The following FRMD5 variants were observed in gnomAD, a reference collection of about 807,000 sequenced individuals.
FRMD5 encodes FERM domain-containing protein 5.
FRMD5 carries 20 observed loss-of-function variants against 69.0 expected under a neutral mutation model. The ratio of observed to expected loss-of-function variants is 0.29; its 90% confidence interval spans 0.20 to 0.42. The LOEUF is 0.42. Among genes scored for constraint, FRMD5 ranks in the 10% least tolerant of loss-of-function variants. The pLI is 1.00. For missense variants in FRMD5, 595 were observed against 708.6 expected (o/e 0.84, Z 1.82); for synonymous variants, 271 against 260.1 (o/e 1.04, Z -0.40).
intron 1 of FRMD5, among the ~76,000 whole-genome samples, chr15:44,115,979 A>C (rs1471484574): frequency 6.6e-6 from 1 of 152,140 alleles, no homozygotes; most frequent in Non-Finnish European, 1.5e-5. Context: ...CAAAGCAACT[A>C]ATGTGAGCAC....
intron 1 of FRMD5, among the ~76,000 whole-genome samples, chr15:43,995,624 C>A (rs549230536): frequency 5.3e-5 from 8 of 152,220 alleles, no homozygotes; most frequent in African/African-American, 1.9e-4. Flanking sequence ...TGGGGACTGG[C>A]CTGGAGCCTG....
At position 43,957,335 on chromosome 15, in the gene FRMD5, A is replaced by C. The variant is rs2090130611; in HGVS notation, c.103-33026T>G. On this transcript the variant is annotated intron_variant, in intron 1 of 13. Coordinates refer to ENST00000417257, the MANE Select transcript of FRMD5 (RefSeq NM_032892.5). ...CTTAGCCTCCCAAGTAACTGGGATT[A>C]CAGGTGCCCACCACCATGCCTGACT... 3.3e-5 allele frequency among the ~76,000 whole-genome samples: 5 copies of C among 152,166 alleles called. No individual in the cohort carries two copies. In the South Asian group the frequency reaches 1.0e-3, roughly 31 times the overall value.
At chr15:44,084,969 C>T (rs980680217) in intron 1 of FRMD5, among the ~76,000 whole-genome samples, 2 of 152,000 alleles carry the variant, frequency 1.3e-5, no homozygotes, top group Non-Finnish European at 2.9e-5. Context: ...AAACCACATC[C>T]AGATATCATT....
intron 1 of FRMD5, among the ~76,000 whole-genome samples, chr15:44,038,540 T>A (rs1271917166): frequency 8.2e-5 from 12 of 146,514 alleles, no homozygotes; most frequent in African/African-American, 3.0e-4. Context: ...TTTTTTTTTT[T>A]ATAACAATTC....
At chr15:43,894,819 C>T (rs2088876930) in intron 7 of FRMD5, among the ~76,000 whole-genome samples, 1 of 152,178 alleles carries the variant, frequency 6.6e-6, no homozygotes, top group Admixed American at 6.5e-5. Flanking sequence ...CCAGCTCTGC[C>T]ACTCATTGTG....
intron 1 of FRMD5, among the ~76,000 whole-genome samples, chr15:44,051,473 C>T (rs971125674): frequency 6.6e-6 from 1 of 151,780 alleles, no homozygotes; most frequent in African/African-American, 2.4e-5. Flanking sequence ...ATAGTACAGA[C>T]TTCCAATATA....
At chr15:44,076,902 T>C (rs1361387363) in intron 1 of FRMD5, among the ~76,000 whole-genome samples, 1 of 152,002 alleles carries the variant, frequency 6.6e-6, no homozygotes, top group Non-Finnish European at 1.5e-5. Flanking sequence ...TATCTTAGAG[T>C]GACCCACAGT....
intron 1 of FRMD5, among the ~76,000 whole-genome samples, chr15:44,112,927 T>C (rs1342125692): frequency 6.6e-6 from 1 of 152,224 alleles, no homozygotes; most frequent in Non-Finnish European, 1.5e-5. Flanking sequence ...CATATTTCTC[T>C]TTATAAGTCT....
intron 1 of FRMD5, among the ~76,000 whole-genome samples, chr15:44,168,692 T>A (rs1019533942): frequency 6.6e-6 from 1 of 152,222 alleles, no homozygotes; most frequent in Non-Finnish European, 1.5e-5. Flanking sequence ...TGTAGGTACA[T>A]CTATATTTAG....
upstream of FRMD5, among the ~76,000 whole-genome samples, chr15:44,199,352 G>A (rs546128031): frequency 1.3e-5 from 2 of 152,318 alleles, no homozygotes; most frequent in African/African-American, 4.8e-5. Context: ...CTTCCATTCT[G>A]GTTCATGTGG....
intron 1 of FRMD5, among the ~76,000 whole-genome samples, chr15:44,017,796 A>C (rs1259234153): frequency 6.6e-6 from 1 of 151,734 alleles, no homozygotes; most frequent in Non-Finnish European, 1.5e-5. Flanking sequence ...TTTTTAGTAG[A>C]AACAGGGTTT....
At chr15:44,077,584 C>A (rs532888005) in intron 1 of FRMD5, among the ~76,000 whole-genome samples, 62 of 152,096 alleles carry the variant, frequency 4.1e-4, no homozygotes, top group African/African-American at 1.5e-3. Flanking sequence ...AAAATACTAA[C>A]TTTTTACCTT....
intron 1 of FRMD5, among the ~76,000 whole-genome samples, chr15:43,952,308 C>T (rs767581200): frequency 6.6e-6 from 1 of 152,106 alleles, no homozygotes; most frequent in Admixed American, 6.5e-5. Flanking sequence ...TGTTCTATTA[C>T]AGGGATTATA....
chr15:43,998,133 G>A (rs1189241071), intron 1 of FRMD5, among the ~76,000 whole-genome samples: 1 of 152,148 alleles, frequency 6.6e-6, no homozygotes, highest in African/African-American at 2.4e-5. Context: ...AACGATCATA[G>A]CTGCTTACAG....
intron 1 of FRMD5, among the ~76,000 whole-genome samples, chr15:44,135,392 T>A (rs1394513672): frequency 2.6e-5 from 4 of 152,246 alleles, no homozygotes; most frequent in African/African-American, 9.6e-5. Flanking sequence ...TTTTTCATAT[T>A]TCCTTACAGT....
chr15:44,067,468 A>G (rs890588580), intron 1 of FRMD5, among the ~76,000 whole-genome samples: 1 of 152,224 alleles, frequency 6.6e-6, no homozygotes, highest in Non-Finnish European at 1.5e-5. Flanking sequence ...TGAGTAGTTT[A>G]TAAACAGTAT....
Position 43,902,091 on chromosome 15 carries a change from C to T in FRMD5, c.639+84G>A, listed in dbSNP as rs1004036234. On this transcript the variant is annotated intron_variant, in intron 7 of 13. Coordinates refer to ENST00000417257, the MANE Select transcript of FRMD5 (RefSeq NM_032892.5). ...CAGCCATGTAAACGTTGAAGGGGGC[C>T]TCTGAGCGCAGGCATGGGGGCTCTT... 1.6e-5 allele frequency: 15 copies of T among 955,978 alleles called. No homozygotes were observed. The African/African-American group carries it at 2.3e-4, about 15-fold the overall frequency. The allele number at this position is 955,978 out of a possible 1,614,324, so 59.2% of individuals were successfully genotyped here.
intron 8 of FRMD5, 34 bp downstream of exon 8, chr15:43,891,947 A>C (rs748080167): frequency 6.3e-7 from 1 of 1,576,276 alleles, no homozygotes; most frequent in East Asian, 2.2e-5. Flanking sequence ...TTGGTGAGAT[A>C]TAAAGAGCCT....
At chr15:44,058,140 T>C (rs189401110) in intron 1 of FRMD5, among the ~76,000 whole-genome samples, 70 of 152,254 alleles carry the variant, frequency 4.6e-4, no homozygotes, top group African/African-American at 1.6e-3. Context: ...GAAGGACTTA[T>C]GAGAATTACA....
Sources: gnomAD v4.1 joint callset for allele counts (sites outside exome capture counted in the v4.1 genomes callset) on GRCh38, gnomAD v4.1.1 for gene constraint, MANE v1.5 for transcripts, NCBI Gene and HGNC (gene_info 2026-07-23, HGNC 2026-07-21) for gene names.